Variants in APBB2 observed in about 807,000 individuals in gnomAD.
The protein encoded by APBB2 is Fe65-like 1.
In APBB2, 38 loss-of-function variants were observed where a neutral mutation model predicts 82.5. That is an observed-to-expected ratio of 0.46 (90% CI 0.36 to 0.60). APBB2 has a LOEUF of 0.60. APBB2 is among the 20% of genes least tolerant of loss of function. The pLI, the probability that APBB2 is intolerant of heterozygous loss-of-function variation, is 0.00. For missense variants in APBB2, 772 were observed against 972.3 expected (o/e 0.79, Z 2.74); for synonymous variants, 341 against 368.2 (o/e 0.93, Z 0.85).
At chr4:40,869,752 C>G (rs1183426422) in intron 12 of APBB2, among the ~76,000 whole-genome samples, 1 of 152,014 alleles carries the variant, frequency 6.6e-6, no homozygotes, top group Admixed American at 6.6e-5. Flanking sequence ...TGGTTTAGAT[C>G]TTTGTATTAA....
intron 2 of APBB2, among the ~76,000 whole-genome samples, chr4:41,103,298 T>TA (rs1560759047): frequency 6.6e-6 from 1 of 152,146 alleles, no homozygotes; most frequent in East Asian, 1.9e-4. Context: ...GTTATAAAGA[T>TA]AGATTCTTGC....
intron 7 of APBB2, among the ~76,000 whole-genome samples, chr4:40,942,159 T>C (rs1303413876): frequency 1.3e-5 from 2 of 152,190 alleles, no homozygotes; most frequent in African/African-American, 4.8e-5. Context: ...GTTCTTTGAC[T>C]TAACGGAGGA....
chr4:40,934,297 T>C (rs1784885882), intron 10 of APBB2, among the ~76,000 whole-genome samples, 159 bp downstream of exon 10: 1 of 152,022 alleles, frequency 6.6e-6, no homozygotes, highest in Non-Finnish European at 1.5e-5. Flanking sequence ...GCCTAGGGGT[T>C]TTCTTCAAGT....
At chr4:41,004,887 A>G (rs761029930) in intron 6 of APBB2, among the ~76,000 whole-genome samples, 3 of 151,360 alleles carry the variant, frequency 2.0e-5, no homozygotes, top group Non-Finnish European at 2.9e-5. Flanking sequence ...GTAACAAATG[A>G]AAGAATGAAT....
intron 6 of APBB2, among the ~76,000 whole-genome samples, chr4:41,009,027 C>G (rs370443127): frequency 6.6e-6 from 1 of 152,174 alleles, no homozygotes; most frequent in African/African-American, 2.4e-5. Flanking sequence ...AAATCCCAAA[C>G]TAAACATAAA....
intron 12 of APBB2, among the ~76,000 whole-genome samples, chr4:40,874,098 C>T (rs954524774): frequency 6.6e-6 from 1 of 152,102 alleles, no homozygotes; most frequent in Admixed American, 6.5e-5. Context: ...TATAAATTAA[C>T]GAGGCGAAAT....
At chr4:41,163,048 G>A (rs1424426866) in intron 1 of APBB2, among the ~76,000 whole-genome samples, 1 of 152,152 alleles carries the variant, frequency 6.6e-6, no homozygotes, top group Non-Finnish European at 1.5e-5. Context: ...CTACTTAAGA[G>A]GACTCTAGAA....
chr4:40,870,294 G>A (rs546704011), intron 12 of APBB2, among the ~76,000 whole-genome samples: 35 of 152,308 alleles, frequency 2.3e-4, no homozygotes, highest in South Asian at 1.0e-3. Context: ...GAGGGGCAGC[G>A]CAGAGGGAGG....
At chr4:41,094,071 C>T (rs1013094896) in intron 3 of APBB2, among the ~76,000 whole-genome samples, 1 of 151,942 alleles carries the variant, frequency 6.6e-6, no homozygotes, top group African/African-American at 2.4e-5. Context: ...ATACATATTT[C>T]AAAACATCAT....
At chr4:40,857,619 C>T (rs1422107586) in intron 12 of APBB2, among the ~76,000 whole-genome samples, 1 of 152,020 alleles carries the variant, frequency 6.6e-6, no homozygotes, top group Admixed American at 6.6e-5. Context: ...TACAGGCGCC[C>T]GCCACCATGC....
At chr4:40,978,687 C>A (rs1388639657) in intron 6 of APBB2, among the ~76,000 whole-genome samples, 1 of 152,130 alleles carries the variant, frequency 6.6e-6, no homozygotes, top group African/African-American at 2.4e-5. Flanking sequence ...TCCTTCCTAT[C>A]CCTATCCTCA....
rs527542206 is a variant in APBB2, at chr4:41,157,323, G to T, written c.-416-14181C>A. On this transcript the variant is annotated intron_variant, in intron 1 of 17. Coordinates refer to ENST00000508593, the MANE Select transcript of APBB2 (RefSeq NM_004307.2). ...CTCTTCCAGGCTGCAAAGAGCTCCT[G>T]CATGAAAGCCCCCTTCAAATGACCT... Among the ~76,000 whole-genome samples the T allele has an allele frequency of 3.9e-5, 6 of 152,292 alleles. No homozygotes were observed. In the South Asian group the frequency reaches 1.2e-3, roughly 32 times the overall value.
At chr4:40,880,370 G>A in intron 12 of APBB2, 2 of 985,442 alleles carry the variant, frequency 2.0e-6, no homozygotes, top group Non-Finnish European at 2.4e-6. Context: ...ATCTCAGGAT[G>A]ATGACATTTG....
Position 40,889,436 on chromosome 4 carries a change from C to T in APBB2, c.1529+928G>A, listed in dbSNP as rs533549776. Among the ~76,000 whole-genome samples, 3 of 152,282 alleles carry T rather than the reference C, an allele frequency of 2.0e-5. No homozygotes were observed. The East Asian group carries it at 5.8e-4, about 29-fold the overall frequency. On this transcript the variant is annotated intron_variant, in intron 12 of 17. Transcript: ENST00000508593. ...AAAGCAGAATGTTCAGAAATGGAAC[C>T]ATAAGCTCAGGAGAGCCGCCTCTCT...
intron 1 of APBB2, among the ~76,000 whole-genome samples, chr4:41,201,775 G>T (rs1263799786): frequency 1.3e-5 from 2 of 152,236 alleles, no homozygotes; most frequent in Non-Finnish European, 2.9e-5. Flanking sequence ...GGGTAAATGG[G>T]AAAGGTGCCA....
At chr4:40,844,337 A>T (rs1756875552) in intron 12 of APBB2, among the ~76,000 whole-genome samples, 1 of 152,182 alleles carries the variant, frequency 6.6e-6, no homozygotes, top group Non-Finnish European at 1.5e-5. Context: ...TCATGCTCAT[A>T]ATGCTCAGGG....
chr4:41,031,441 T>C (rs1057237590), intron 5 of APBB2, among the ~76,000 whole-genome samples: 2 of 152,180 alleles, frequency 1.3e-5, no homozygotes, highest in African/African-American at 2.4e-5. Context: ...GGAATACCTC[T>C]TTCCCTGTAG....
chr4:40,988,022 A>G (rs570867995), intron 6 of APBB2, among the ~76,000 whole-genome samples: 3 of 152,356 alleles, frequency 2.0e-5, no homozygotes, highest in Admixed American at 6.5e-5. Flanking sequence ...TCTGAAATAT[A>G]CGAATAATTA....
intron 10 of APBB2, among the ~76,000 whole-genome samples, chr4:40,897,342 A>G (rs1773947627): frequency 6.6e-6 from 1 of 152,152 alleles, no homozygotes. Context: ...CGTTTCTACT[A>G]AAAATACAAA....
Sources: allele counts gnomAD v4.1 joint callset (sites outside exome capture counted in the v4.1 genomes callset), GRCh38; gene constraint gnomAD v4.1.1; transcripts MANE v1.5; gene names NCBI Gene and HGNC (gene_info 2026-07-23, HGNC 2026-07-21).